Variants in ALCAM observed in about 807,000 individuals in gnomAD.
ALCAM encodes CD166 antigen.
A neutral mutation model predicts 70.9 loss-of-function variants in ALCAM; 30 were observed. That is an observed-to-expected ratio of 0.42 (90% CI 0.32 to 0.57). The LOEUF is 0.57. Among genes scored for constraint, ALCAM ranks in the 20% least tolerant of loss-of-function variants. The pLI is 0.11. For missense variants in ALCAM, 591 were observed against 695.1 expected, an observed-to-expected ratio of 0.85 and a Z score of 1.68; for synonymous variants, 249 against 242.5, an observed-to-expected ratio of 1.03 and a Z score of -0.25.
At chr3:105,484,824 A>G (rs1938378974) in intron 1 of ALCAM, among the ~76,000 whole-genome samples, 2 of 152,090 alleles carry the variant, frequency 1.3e-5, no homozygotes, top group African/African-American at 4.8e-5. Context: ...ACCAGAAGAA[A>G]AGCTCTTCTC....
intron 1 of ALCAM, among the ~76,000 whole-genome samples, chr3:105,410,032 G>T (rs181391897): frequency 3.9e-5 from 6 of 152,004 alleles, no homozygotes; most frequent in African/African-American, 1.4e-4. Flanking sequence ...TAGGGTTCAC[G>T]CTTGCTGTTG....
chr3:105,515,051 T>TCACA (rs139498998), intron 1 of ALCAM, among the ~76,000 whole-genome samples: 21 of 151,198 alleles, frequency 1.4e-4, no homozygotes, highest in Non-Finnish European at 1.3e-4. Flanking sequence ...CCTTTGTATC[T>TCACA]CACACACACA....
intron 1 of ALCAM, among the ~76,000 whole-genome samples, chr3:105,393,132 T>G (rs1264853981): frequency 6.6e-6 from 1 of 151,854 alleles, no homozygotes; most frequent in Admixed American, 6.6e-5. Flanking sequence ...TCTTATTTGT[T>G]ACAATAAACC....
chr3:105,480,263 T>C (rs909222919), intron 1 of ALCAM, among the ~76,000 whole-genome samples: 5 of 151,960 alleles, frequency 3.3e-5, no homozygotes, highest in African/African-American at 1.2e-4. Context: ...GGCAGGAGAA[T>C]TGCTTGACCC....
At chr3:105,419,595 A>G (rs181299156) in intron 1 of ALCAM, among the ~76,000 whole-genome samples, 102 of 151,890 alleles carry the variant, frequency 6.7e-4, no homozygotes, top group African/African-American at 2.3e-3. Context: ...AGGGACAAAG[A>G]AGGAAAATGA....
chr3:105,420,950 A>T lies in ALCAM; in HGVS notation c.73+53469A>T, dbSNP rs574308791. 1.7e-4 allele frequency among the ~76,000 whole-genome samples: 26 copies of T among 151,576 alleles called. No homozygotes were observed. The East Asian group carries it at 5.1e-3, about 30-fold the overall frequency. On this transcript the variant is annotated intron_variant, in intron 1 of 15. Coordinates refer to ENST00000306107, the MANE Select transcript of ALCAM (RefSeq NM_001627.4). ...AAGGGCTTAGACACAGTTTGGTTGT[A>T]TTTTAAGCAAGGAAATCAATGATGG...
intron 1 of ALCAM, among the ~76,000 whole-genome samples, chr3:105,514,890 G>C (rs183367921): frequency 2.7e-3 from 410 of 151,972 alleles, no homozygotes; most frequent in Non-Finnish European, 3.2e-3. Context: ...GACCCAAATT[G>C]GCCTCTAACT....
At position 105,565,392 on chromosome 3, in the gene ALCAM, T is replaced by C. The variant is rs1490561731; in HGVS notation, c.1665-6460T>C. Among the ~76,000 whole-genome samples, 10 of 152,212 alleles carry C rather than the reference T, an allele frequency of 6.6e-5. No individual in the cohort carries two copies. In the East Asian group the frequency reaches 1.9e-3, roughly 29 times the overall value. ...ATAACTTAATTGTCACTGATTTTAT[T>C]TCAGTTGCAATATCTGATCTTCCAG... is the stretch of plus-strand genomic sequence containing the variant. On this transcript the variant is annotated intron_variant, in intron 14 of 15. Coordinates refer to ENST00000306107, the MANE Select transcript of ALCAM (RefSeq NM_001627.4).
intron 14 of ALCAM, among the ~76,000 whole-genome samples, chr3:105,571,115 T>C (rs1172099705): frequency 6.6e-6 from 1 of 152,208 alleles, no homozygotes; most frequent in Non-Finnish European, 1.5e-5. Flanking sequence ...CGCTAAGGCA[T>C]TGGTTTTCAA....
At chr3:105,435,892 G>A (rs1011734174) in intron 1 of ALCAM, among the ~76,000 whole-genome samples, 4 of 151,880 alleles carry the variant, frequency 2.6e-5, no homozygotes, top group African/African-American at 4.8e-5. Context: ...CCGGGTTCAC[G>A]CCATTCTCCT....
chr3:105,473,076 T>C (rs1440569363), intron 1 of ALCAM, among the ~76,000 whole-genome samples: 2 of 151,482 alleles, frequency 1.3e-5, no homozygotes, highest in Non-Finnish European at 3.0e-5. Flanking sequence ...ACCCTTGATT[T>C]CCCATTGTTT....
chr3:105,447,030 G>T (rs938511389), intron 1 of ALCAM, among the ~76,000 whole-genome samples: 3 of 152,144 alleles, frequency 2.0e-5, no homozygotes, highest in Non-Finnish European at 2.9e-5. Context: ...AAAAAAAAAT[G>T]ATAAATGTGC....
intron 1 of ALCAM, among the ~76,000 whole-genome samples, chr3:105,490,388 T>C (rs1331439338): frequency 6.6e-6 from 1 of 152,238 alleles, no homozygotes; most frequent in East Asian, 1.9e-4. Context: ...TCAGATTTCC[T>C]TTGTACCGCC....
At chr3:105,432,720 T>C (rs1463133424) in intron 1 of ALCAM, among the ~76,000 whole-genome samples, 1 of 152,130 alleles carries the variant, frequency 6.6e-6, no homozygotes. Flanking sequence ...TTCCAAGATG[T>C]ACACTTTTAC....
chr3:105,388,307 A>G (rs1182332435), intron 1 of ALCAM, among the ~76,000 whole-genome samples: 2 of 151,582 alleles, frequency 1.3e-5, no homozygotes, highest in Non-Finnish European at 3.0e-5. Context: ...CTGTGATGAG[A>G]ACACTGATCC....
intron 6 of ALCAM, among the ~76,000 whole-genome samples, chr3:105,536,015 A>T (rs1483912535): frequency 6.6e-6 from 1 of 152,102 alleles, no homozygotes; most frequent in African/African-American, 2.4e-5. Context: ...CTTGATTTAA[A>T]CCCAAGAAAT....
At chr3:105,441,590 A>C (rs1937171832) in intron 1 of ALCAM, among the ~76,000 whole-genome samples, 1 of 152,204 alleles carries the variant, frequency 6.6e-6, no homozygotes, top group Non-Finnish European at 1.5e-5. Context: ...ACTGACCTTG[A>C]CTGTGCATCC....
intron 1 of ALCAM, among the ~76,000 whole-genome samples, chr3:105,467,981 T>C (rs1279437324): frequency 6.6e-6 from 1 of 151,296 alleles, no homozygotes; most frequent in Admixed American, 6.6e-5. Flanking sequence ...TTCAATGTGG[T>C]TGATTTTTGC....
chr3:105,425,113 T>C (rs1936758562), intron 1 of ALCAM, among the ~76,000 whole-genome samples: 1 of 151,806 alleles, frequency 6.6e-6, no homozygotes, highest in African/African-American at 2.4e-5. Flanking sequence ...ATGCCTCAGG[T>C]TGTCTTAACA....
Sources: allele counts gnomAD v4.1 joint callset (sites outside exome capture counted in the v4.1 genomes callset), GRCh38; gene constraint gnomAD v4.1.1; transcripts MANE v1.5; gene names NCBI Gene and HGNC (gene_info 2026-07-23, HGNC 2026-07-21).